THSD7A: variants seen among roughly 807,000 people sequenced by gnomAD.
THSD7A encodes the protein thrombospondin type-1 domain-containing protein 7A.
In THSD7A, 96 loss-of-function variants were observed where a neutral mutation model predicts 231.3. The observed-to-expected ratio is 0.41, with a 90% CI of 0.35 to 0.49. The LOEUF is 0.49. Ranked by LOEUF, THSD7A falls within the 20% of genes least tolerant of loss-of-function variation. The pLI is 0.05. For missense variants in THSD7A, 2,290 were observed against 2,070.2 expected, an observed-to-expected ratio of 1.11 and a Z score of -2.06; for synonymous variants, 940 against 743.3, an observed-to-expected ratio of 1.26 and a Z score of -4.30.
At chr7:11,709,499 A>C (rs1472977497) in intron 1 of THSD7A, among the ~76,000 whole-genome samples, 1 of 150,820 alleles carries the variant, frequency 6.6e-6, no homozygotes, top group African/African-American at 2.4e-5. Flanking sequence ...TTCTGTGGCC[A>C]TAACTCATGG....
At chr7:11,508,786 T>C (rs1352942728) in intron 6 of THSD7A, among the ~76,000 whole-genome samples, 1 of 152,242 alleles carries the variant, frequency 6.6e-6, no homozygotes, top group Admixed American at 6.5e-5. Context: ...TTCTGCAATA[T>C]GCAATAACAT....
chr7:11,489,636 T>G (rs905594679), intron 6 of THSD7A, among the ~76,000 whole-genome samples: 1 of 152,126 alleles, frequency 6.6e-6, no homozygotes, highest in East Asian at 1.9e-4. Flanking sequence ...GAGAAAAGCA[T>G]TTGCAAACTC....
intron 2 of THSD7A, among the ~76,000 whole-genome samples, chr7:11,604,515 C>T (rs914967664): frequency 7.9e-5 from 12 of 151,990 alleles, no homozygotes; most frequent in Non-Finnish European, 1.3e-4. Context: ...TTAAAGCTTT[C>T]TTTAACATCA....
At chr7:11,780,085 G>A (rs998847220) in intron 1 of THSD7A, among the ~76,000 whole-genome samples, 42 of 152,178 alleles carry the variant, frequency 2.8e-4, no homozygotes, top group Non-Finnish European at 4.6e-4. Context: ...TCTGGTGAGG[G>A]CCTGCTTCCT....
intron 22 of THSD7A, among the ~76,000 whole-genome samples, chr7:11,404,527 A>C (rs1321204695): frequency 6.6e-6 from 1 of 152,220 alleles, no homozygotes; most frequent in African/African-American, 2.4e-5. Flanking sequence ...CCAAAGGTTC[A>C]GTCCTTGGCC....
At chr7:11,751,981 TCAAA>T (rs1289873644) in intron 1 of THSD7A, among the ~76,000 whole-genome samples, 3 of 152,122 alleles carry the variant, frequency 2.0e-5, no homozygotes, top group Non-Finnish European at 4.4e-5. Flanking sequence ...AATGAAGTAC[TCAAA>T]CAATTTCAGA....
At position 11,380,898 on chromosome 7, in the gene THSD7A, G is replaced by C. The variant is rs577613560; in HGVS notation, c.4508-1186C>G. ...AAGAAATTAAAAATATGATTTTATA[G>C]GTAAGTCTTTTAAAATTCGACTTAC... On this transcript the variant is annotated intron_variant, in intron 24 of 27. Coordinates refer to ENST00000423059, the MANE Select transcript of THSD7A (RefSeq NM_015204.3). 8.5e-4 allele frequency among the ~76,000 whole-genome samples: 129 copies of C among 152,116 alleles called. 1 individual carries two copies. Among genetic ancestry groups the C allele is most frequent in the African/African-American group, 3.1e-3 (127 of 41,490 alleles).
intron 6 of THSD7A, among the ~76,000 whole-genome samples, chr7:11,533,347 G>T (rs748996549): frequency 1.8e-4 from 27 of 152,146 alleles, no homozygotes; most frequent in Non-Finnish European, 2.8e-4. Flanking sequence ...AAAGAATCAA[G>T]AAAACAGTGG....
In THSD7A at chr7:11,766,971, G is replaced by C. The variant is rs1783050365; in HGVS notation, c.190+64786C>G. Among the ~76,000 whole-genome samples, 3 of 152,246 alleles carry C rather than the reference G, an allele frequency of 2.0e-5. No homozygotes were observed. In the South Asian group the frequency reaches 6.2e-4, roughly 32 times the overall value. On this transcript the variant is annotated intron_variant, in intron 1 of 27. Coordinates refer to ENST00000423059, the MANE Select transcript of THSD7A (RefSeq NM_015204.3). ...ATGATGATGTGGCAGAGTAAGAGAA[G>C]GTCTTTGTTTCTAGAAAATGCAAAT...
At chr7:11,602,672 T>G (rs1204417811) in intron 2 of THSD7A, among the ~76,000 whole-genome samples, 1 of 151,844 alleles carries the variant, frequency 6.6e-6, no homozygotes, top group Non-Finnish European at 1.5e-5. Context: ...GAATGGAAAT[T>G]GAAGGCCTCG....
chr7:11,665,938 A>G (rs1412315801), intron 1 of THSD7A, among the ~76,000 whole-genome samples: 4 of 152,170 alleles, frequency 2.6e-5, no homozygotes, highest in African/African-American at 9.6e-5. Flanking sequence ...TCAGGGCTTT[A>G]GAAGGTGTCT....
intron 1 of THSD7A, among the ~76,000 whole-genome samples, chr7:11,750,164 T>C (rs10499406): frequency 0.05 from 7,606 of 151,860 alleles, 212 homozygotes; most frequent in East Asian, 0.14. Context: ...TTTAACTGTA[T>C]AATATTTCGA....
chr7:11,513,162 G>T (rs529720535), intron 6 of THSD7A, among the ~76,000 whole-genome samples: 1 of 151,304 alleles, frequency 6.6e-6, no homozygotes, highest in Admixed American at 6.6e-5. Context: ...TTGGGGGGAA[G>T]AGTGGGAGGG....
At chr7:11,467,271 A>G (rs1583796484) in intron 9 of THSD7A, among the ~76,000 whole-genome samples, 1 of 152,078 alleles carries the variant, frequency 6.6e-6, no homozygotes, top group East Asian at 1.9e-4. Flanking sequence ...TTCTTAATAT[A>G]TTTGCTCTGA....
intron 2 of THSD7A, among the ~76,000 whole-genome samples, chr7:11,608,188 A>C (rs1484375872): frequency 6.6e-6 from 1 of 152,116 alleles, no homozygotes; most frequent in East Asian, 1.9e-4. Context: ...ACACTTCAAA[A>C]ATGATGCTAA....
rs1280950510 is a variant in THSD7A, at chr7:11,396,970, G to T, written c.4411+4825C>A. On this transcript the variant is annotated intron_variant, in intron 23 of 27. Transcript: ENST00000423059. ...GCTTCATCCCTGGGATGCAAGGCGG[G>T]TTCAACATATGTGAATCAATAAACG... Among the ~76,000 whole-genome samples, 3 of 152,220 alleles carry T rather than the reference G, an allele frequency of 2.0e-5. No homozygotes were observed. In the South Asian group the frequency reaches 6.2e-4, roughly 32 times the overall value.
intron 1 of THSD7A, among the ~76,000 whole-genome samples, chr7:11,765,479 A>C (rs1364046972): frequency 1.3e-5 from 2 of 152,192 alleles, no homozygotes; most frequent in African/African-American, 4.8e-5. Context: ...AAAAGCAACA[A>C]ATGTTTCCTT....
At chr7:11,470,118 C>T (rs1785876592) in intron 8 of THSD7A, 124 bp from the exon 9 acceptor site, 2 of 687,276 alleles carry the variant, frequency 2.9e-6, no homozygotes, top group Non-Finnish European at 5.1e-6. Context: ...TATTTAACTT[C>T]CAGGAGTCTT....
chr7:11,750,305 T>A (rs1782455745), intron 1 of THSD7A, among the ~76,000 whole-genome samples: 1 of 151,918 alleles, frequency 6.6e-6, no homozygotes, highest in African/African-American at 2.4e-5. Context: ...CAGAAGTATA[T>A]AGGGGTGCGT....
Sources: allele counts gnomAD v4.1 joint callset (sites outside exome capture counted in the v4.1 genomes callset), GRCh38; gene constraint gnomAD v4.1.1; transcripts MANE v1.5; gene names NCBI Gene and HGNC (gene_info 2026-07-23, HGNC 2026-07-21).